Variants in PIAS1 observed in about 807,000 individuals in gnomAD.
PIAS1 encodes the protein E3 SUMO-protein ligase PIAS1.
In PIAS1, 6 loss-of-function variants were observed where a neutral mutation model predicts 71.3. That is an observed-to-expected ratio of 0.08 (90% CI 0.05 to 0.17). The LOEUF is 0.17. PIAS1 is among the 10% of genes least tolerant of loss of function. The pLI is 1.00. For missense variants in PIAS1, 555 were observed against 793.6 expected (o/e 0.70, Z 3.61); for synonymous variants, 303 against 292.9 (o/e 1.03, Z -0.35).
rs748245105 is a variant in PIAS1, at chr15:68,086,513, C to T, written c.232C>T (p.Pro78Ser). ...KIMTPADLSI[P>S]NVHSSPMPAT... ...CATGACGCCTGCAGACTTGTCCATC[C>T]CCAACGTACATTCAAGTCCTATGCC... Residue 78 changes from proline to serine, a missense_variant, in exon 2 of 14, where the codon CCC (proline) becomes TCC (serine). Coordinates refer to ENST00000249636, the MANE Select transcript of PIAS1 (RefSeq NM_016166.3). This position sits in a 1 kb window ranked among gnomAD's most constrained non-coding sequence, Gnocchi z 7.2. 3.1e-6 allele frequency: 5 copies of T among 1,613,822 alleles called. No individual in the cohort carries two copies. In the Admixed American group the frequency reaches 6.7e-5, roughly 22 times the overall value.
chr15:68,148,893 A>T (rs2092826771), intron 6 of PIAS1, among the ~76,000 whole-genome samples: 1 of 152,086 alleles, frequency 6.6e-6, no homozygotes, highest in Non-Finnish European at 1.5e-5. Context: ...CTTTGTCTAG[A>T]GTGGTGGCGA....
At chr15:68,075,642 T>C (rs1489382981) in intron 1 of PIAS1, among the ~76,000 whole-genome samples, 2 of 152,162 alleles carry the variant, frequency 1.3e-5, no homozygotes, top group African/African-American at 4.8e-5. Context: ...GAAAGGGTCG[T>C]TATTATTAAT....
chr15:68,096,290 A>G (rs1309340664), intron 2 of PIAS1, among the ~76,000 whole-genome samples: 1 of 152,104 alleles, frequency 6.6e-6, no homozygotes, highest in Non-Finnish European at 1.5e-5. Context: ...ATTGGTCTGT[A>G]TGTCTTTATG....
intron 7 of PIAS1, among the ~76,000 whole-genome samples, chr15:68,161,308 A>G (rs1354235197): frequency 1.3e-5 from 2 of 152,230 alleles, no homozygotes; most frequent in African/African-American, 2.4e-5. Context: ...GAAGACCTGC[A>G]TAAACGGAGA....
chr15:68,083,849 T>C (rs918861360), intron 1 of PIAS1, among the ~76,000 whole-genome samples: 2 of 151,244 alleles, frequency 1.3e-5, no homozygotes, highest in African/African-American at 4.9e-5. Flanking sequence ...CTGGGCAACA[T>C]AGCAAGACCC....
intron 1 of PIAS1, among the ~76,000 whole-genome samples, chr15:68,066,396 A>G (rs2092026761): frequency 6.6e-6 from 1 of 152,212 alleles, no homozygotes; most frequent in African/African-American, 2.4e-5. Context: ...GGTGTGAGCC[A>G]CCATGCCTGG....
chr15:68,155,461 A>C (rs1012631163), intron 7 of PIAS1, among the ~76,000 whole-genome samples: 6 of 151,226 alleles, frequency 4.0e-5, no homozygotes, highest in Non-Finnish European at 8.8e-5. Flanking sequence ...AAAAAAAAAA[A>C]AAAAAAAAAA....
chr15:68,056,303 T>C (rs182647736), intron 1 of PIAS1, among the ~76,000 whole-genome samples: 99 of 152,364 alleles, frequency 6.5e-4, no homozygotes, highest in Non-Finnish European at 8.5e-4. Context: ...GGAAAGCACA[T>C]GCTGAGAGAT....
chr15:68,069,097 T>C (rs868605817), intron 1 of PIAS1, among the ~76,000 whole-genome samples: 1 of 151,646 alleles, frequency 6.6e-6, no homozygotes, highest in Non-Finnish European at 1.5e-5. Context: ...GGTTTCACCA[T>C]GTTGGCCAGG....
At chr15:68,108,092 A>G (rs2092488182) in intron 2 of PIAS1, among the ~76,000 whole-genome samples, 1 of 152,204 alleles carries the variant, frequency 6.6e-6, no homozygotes, top group Admixed American at 6.5e-5. Context: ...GAACATCACC[A>G]TAATCTTTTT....
chr15:68,183,810 T>C (rs1001594016), intron 13 of PIAS1, 143 bp downstream of exon 13: 1 of 531,548 alleles, frequency 1.9e-6, no homozygotes, highest in African/African-American at 1.9e-5. Context: ...ACATCAATTA[T>C]AGCCATGGTA....
intron 1 of PIAS1, among the ~76,000 whole-genome samples, chr15:68,080,123 C>T (rs543815427): frequency 9.9e-4 from 150 of 152,256 alleles, no homozygotes; most frequent in African/African-American, 3.2e-3. Flanking sequence ...TGAGCCACTG[C>T]GCCTGGCTGG....
At chr15:68,155,143 A>G (rs963512739) in intron 7 of PIAS1, among the ~76,000 whole-genome samples, 2 of 152,194 alleles carry the variant, frequency 1.3e-5, no homozygotes, top group Non-Finnish European at 2.9e-5. Context: ...GCTTGTAGCT[A>G]TAGCACCACC....
chr15:68,172,991 C>G, intron 8 of PIAS1, among the ~76,000 whole-genome samples: 1 of 152,214 alleles, frequency 6.6e-6, no homozygotes, highest in South Asian at 2.1e-4. Context: ...CTCAGAGCTG[C>G]CACTTGGCAA....
At chr15:68,055,046 CTT>C (rs2091881179) in intron 1 of PIAS1, 1 of 191,456 alleles carries the variant, frequency 5.2e-6, no homozygotes, top group Admixed American at 6.5e-5. Flanking sequence ...GGACGTTACT[CTT>C]TCTCTCTGAT....
At chr15:68,089,641 G>A (rs1471766179) in intron 2 of PIAS1, among the ~76,000 whole-genome samples, 2 of 151,984 alleles carry the variant, frequency 1.3e-5, no homozygotes, top group East Asian at 1.9e-4. Context: ...TGCAACCTCC[G>A]CCCCACTGGG....
chr15:68,154,271 G>A (rs1222726325), intron 7 of PIAS1, among the ~76,000 whole-genome samples: 1 of 152,174 alleles, frequency 6.6e-6, no homozygotes, highest in African/African-American at 2.4e-5. Context: ...CGTTGAATTT[G>A]AGATTCAAGG....
intron 8 of PIAS1, among the ~76,000 whole-genome samples, chr15:68,165,146 A>T (rs1763627260): frequency 6.6e-6 from 1 of 152,016 alleles, no homozygotes; most frequent in African/African-American, 2.4e-5. Context: ...TTTGAGATGG[A>T]GTTTCGCTCT....
At chr15:68,093,522 G>A (rs868445565) in intron 2 of PIAS1, among the ~76,000 whole-genome samples, 8 of 152,208 alleles carry the variant, frequency 5.3e-5, no homozygotes, top group African/African-American at 1.7e-4. Flanking sequence ...TTTCTTTTGC[G>A]CCATTCTTCT....
Sources: gnomAD v4.1 joint callset for allele counts (sites outside exome capture counted in the v4.1 genomes callset) on GRCh38, gnomAD v4.1.1 for gene constraint, Gnocchi (gnomAD v3.1) non-coding constraint, MANE v1.5 for transcripts, NCBI Gene and HGNC (gene_info 2026-07-23, HGNC 2026-07-21) for gene names.